Variants in CNIH3 observed in about 807,000 individuals in gnomAD.
CNIH3 encodes the protein protein cornichon homolog 3.
A neutral mutation model predicts 24.1 loss-of-function variants in CNIH3; 14 were observed. The observed-to-expected ratio is 0.58, with a 90% confidence interval of 0.38 to 0.91. The LOEUF is 0.91. Ranked by LOEUF, CNIH3 falls within the 40% of genes least tolerant of loss-of-function variation. CNIH3 has a pLI of 0.00. For missense variants in CNIH3, 178 were observed against 196.8 expected (o/e 0.90, Z 0.57); for synonymous variants, 68 against 73.8 (o/e 0.92, Z 0.40).
At position 224,672,653 on chromosome 1, in the gene CNIH3, A is replaced by G. The variant is rs545067796; in HGVS notation, c.82-8305A>G. On this transcript the variant is annotated intron_variant, in intron 1 of 5. Transcript: ENST00000272133. Reference sequence around the variant, plus strand: ...GCCTTCACTGTGTGGCTTTTTTTCTATCTCATAAAGATGACCCCATCTTTT... The same window carrying G: ...GCCTTCACTGTGTGGCTTTTTTTCTGTCTCATAAAGATGACCCCATCTTTT... Among the ~76,000 whole-genome samples the G allele has an allele frequency of 5.3e-5, 8 of 152,080 alleles. No homozygotes were observed. In the East Asian group the frequency reaches 7.7e-4, roughly 15 times the overall value.
intron 3 of CNIH3, among the ~76,000 whole-genome samples, chr1:224,550,203 A>G (rs998234669): frequency 6.6e-6 from 1 of 152,192 alleles, no homozygotes; most frequent in African/African-American, 2.4e-5. Context: ...TTACGTTAAT[A>G]TCACAGTGGG....
chr1:224,442,972 A>G (rs1674984914), intron 1 of CNIH3, among the ~76,000 whole-genome samples: 2 of 152,140 alleles, frequency 1.3e-5, no homozygotes, highest in Non-Finnish European at 2.9e-5. Context: ...CATTAACCTA[A>G]TTAGTAGTAG....
intron 3 of CNIH3, among the ~76,000 whole-genome samples, chr1:224,724,928 C>G (rs1023374832): frequency 1.3e-5 from 2 of 151,980 alleles, no homozygotes; most frequent in African/African-American, 4.8e-5. Context: ...TAATAATGAC[C>G]GGCCAGGCAT....
At chr1:224,665,583 C>T (rs1230497265) in intron 1 of CNIH3, among the ~76,000 whole-genome samples, 3 of 152,146 alleles carry the variant, frequency 2.0e-5, no homozygotes, top group African/African-American at 7.2e-5. Flanking sequence ...GGAGCAGTAC[C>T]TCCTGCAATC....
At chr1:224,590,267 A>G (rs1681695999), downstream of CNIH3, among the ~76,000 whole-genome samples, 1 of 152,182 alleles carries the variant, frequency 6.6e-6, no homozygotes, top group Non-Finnish European at 1.5e-5. Flanking sequence ...TAAAGCCCAA[A>G]TTCCACTATA....
In CNIH3 at chr1:224,549,025, G is replaced by A. The variant is rs1679812645; in HGVS notation, n.450+2086G>A. Among the ~76,000 whole-genome samples, 5 of 152,118 alleles carry A rather than the reference G, an allele frequency of 3.3e-5. 1 individual carries two copies. Among genetic ancestry groups the A allele is most frequent in the Non-Finnish European group, 5.9e-5 (4 of 67,938 alleles). ...TGTACACCCTGGGACATTATTCATA[G>A]TATCCCATGGTGATACTACTCGTAA... On this transcript the variant is annotated intron_variant and non_coding_transcript_variant, in intron 3 of 5. Transcript: ENST00000471578.
At position 224,550,311 on chromosome 1, in the gene CNIH3, G is replaced by A. The variant is rs139464580; in HGVS notation, n.450+3372G>A. ...AAACACTGAATAGTATGGAAATATCGGAGCAATGTTATTTCATTATTATCA... is the reference window on the plus strand; with the variant it reads ...AAACACTGAATAGTATGGAAATATCAGAGCAATGTTATTTCATTATTATCA... On this transcript the variant is annotated intron_variant and non_coding_transcript_variant, in intron 3 of 5. Transcript: ENST00000471578. Among the ~76,000 whole-genome samples, 422 of 151,942 alleles carry A rather than the reference G, an allele frequency of 2.8e-3. 3 individuals carry two copies. Among genetic ancestry groups the A allele is most frequent in the Middle Eastern group, 0.027 (8 of 292 alleles).
At chr1:224,665,032 C>G (rs1174954532) in intron 1 of CNIH3, among the ~76,000 whole-genome samples, 3 of 152,098 alleles carry the variant, frequency 2.0e-5, no homozygotes, top group Non-Finnish European at 4.4e-5. Flanking sequence ...AATTATTTTT[C>G]TCTATTTTGG....
chr1:224,585,486 T>A (rs901892269), intron 5 of CNIH3, among the ~76,000 whole-genome samples: 2 of 151,852 alleles, frequency 1.3e-5, no homozygotes, highest in African/African-American at 4.8e-5. Context: ...TCTTTTTTTT[T>A]TTTTATTTTT....
intron 3 of CNIH3, among the ~76,000 whole-genome samples, chr1:224,691,759 C>G (rs773633173): frequency 6.6e-6 from 1 of 152,192 alleles, no homozygotes; most frequent in Non-Finnish European, 1.5e-5. Flanking sequence ...GGCAGAGTAT[C>G]TTAGCTCCTG....
At chr1:224,563,949 G>A (rs1339035759) in intron 3 of CNIH3, among the ~76,000 whole-genome samples, 1 of 152,152 alleles carries the variant, frequency 6.6e-6, no homozygotes, top group East Asian at 1.9e-4. Flanking sequence ...TCTCCCCACA[G>A]AGAGGACAGA....
At chr1:224,574,846 G>A (rs1680967939) in intron 4 of CNIH3, 2 of 932,358 alleles carry the variant, frequency 2.1e-6, no homozygotes, top group South Asian at 1.3e-5. Flanking sequence ...CCCAGTAACA[G>A]TAACATTCTG....
chr1:224,618,556 CAG>C (rs1683139709), intron 1 of CNIH3, among the ~76,000 whole-genome samples: 1 of 152,160 alleles, frequency 6.6e-6, no homozygotes, highest in African/African-American at 2.4e-5. Context: ...AGGGCTCTGA[CAG>C]AGAGGAGAGG....
intron 3 of CNIH3, among the ~76,000 whole-genome samples, chr1:224,692,177 C>G (rs1686964366): frequency 6.6e-6 from 1 of 152,096 alleles, no homozygotes; most frequent in African/African-American, 2.4e-5. Context: ...TGGTGCACAT[C>G]TGTAGTCCCA....
At chr1:224,724,157 A>G (rs1688893115) in intron 3 of CNIH3, among the ~76,000 whole-genome samples, 1 of 152,244 alleles carries the variant, frequency 6.6e-6, no homozygotes, top group South Asian at 2.1e-4. Context: ...AAACTATTTA[A>G]TAAACTTTGA....
intron 3 of CNIH3, among the ~76,000 whole-genome samples, chr1:224,696,909 A>G (rs1479654308): frequency 3.3e-5 from 5 of 152,132 alleles, no homozygotes; most frequent in Admixed American, 2.6e-4. Context: ...AGCACCTTAT[A>G]TGATAGTTGC....
At chr1:224,504,864 G>A (rs1361391163) in intron 1 of CNIH3, among the ~76,000 whole-genome samples, 1 of 152,166 alleles carries the variant, frequency 6.6e-6, no homozygotes, top group East Asian at 1.9e-4. Flanking sequence ...CTGTTCCTGA[G>A]GTGGTCAGCA....
intron 1 of CNIH3, among the ~76,000 whole-genome samples, chr1:224,502,123 G>A (rs1289800669): frequency 1.3e-5 from 2 of 152,148 alleles, no homozygotes; most frequent in African/African-American, 4.8e-5. Flanking sequence ...GCAGAACCCA[G>A]GAGTGCTGCA....
At chr1:224,644,476 AG>A (rs1411828040) in intron 1 of CNIH3, among the ~76,000 whole-genome samples, 3 of 152,168 alleles carry the variant, frequency 2.0e-5, no homozygotes, top group Non-Finnish European at 4.4e-5. Context: ...GGGTTGGACC[AG>A]GTGATGTCTG....
Sources: gnomAD v4.1 joint callset for allele counts (sites outside exome capture counted in the v4.1 genomes callset) on GRCh38, gnomAD v4.1.1 for gene constraint, MANE v1.5 for transcripts, NCBI Gene and HGNC (gene_info 2026-07-23, HGNC 2026-07-21) for gene names.